The following ANGPT2 variants were observed in gnomAD, a reference collection of about 807,000 sequenced individuals.
ANGPT2 encodes angiopoietin 2.
Under a neutral mutation model 62.9 loss-of-function variants are expected in ANGPT2, and 28 were observed. The ratio of observed to expected loss-of-function variants is 0.44; its 90% CI spans 0.33 to 0.61. The LOEUF is 0.61. Among genes scored for constraint, ANGPT2 ranks in the 20% least tolerant of loss-of-function variants. ANGPT2 has a pLI of 0.03. For missense variants in ANGPT2, 727 were observed against 594.9 expected (o/e 1.22, Z -2.31); for synonymous variants, 284 against 207.8 (o/e 1.37, Z -3.15).
rs1817005809 is a variant in ANGPT2 at position 6,519,980 on chromosome 8, T to C, written c.811A>G (p.Thr271Ala). ...CTGATTTGTTCTTCTTTAGCAACAG[T>C]GGGGTCCTTAGCTGCTTTTAAAAAA... Reference protein sequence around the residue: ...MMSTSNSKDPTVAKEEQISFR... With the variant: ...MMSTSNSKDPAVAKEEQISFR... The change falls in exon 5 of 9, where the codon ACT becomes GCT. Residue 271 changes from threonine to alanine, a missense_variant. Physicochemically the swap from Thr to Ala is moderately conservative, Grantham distance 58. Transcript: ENST00000629816. The C allele has an allele frequency of 1.9e-6, 3 of 1,614,058 alleles. No individual in the cohort carries two copies. The highest frequency in any genetic ancestry group is 2.5e-6 in the Non-Finnish European group (3 of 1,179,942).
At chr8:6,551,257 G>A (rs1420449446) in intron 1 of ANGPT2, among the ~76,000 whole-genome samples, 1 of 152,122 alleles carries the variant, frequency 6.6e-6, no homozygotes, top group East Asian at 1.9e-4. Context: ...CTCATGCAGA[G>A]ACTGTTTATT....
chr8:6,542,734 G>C (rs761808133), intron 1 of ANGPT2, among the ~76,000 whole-genome samples: 5 of 152,054 alleles, frequency 3.3e-5, no homozygotes, highest in African/African-American at 7.3e-5. Flanking sequence ...TGTTACATGG[G>C]TTTGCCAAAA....
At chr8:6,526,257 T>TA (rs35519559) in intron 3 of ANGPT2, among the ~76,000 whole-genome samples, 20,270 of 76,858 alleles carry the variant, frequency 0.26, 3,665 homozygotes, top group East Asian at 0.6. Flanking sequence ...TTGCCTCTAC[T>TA]AAAAAAAAAA....
At chr8:6,534,221 A>G (rs1424617546) in intron 1 of ANGPT2, among the ~76,000 whole-genome samples, 1 of 152,214 alleles carries the variant, frequency 6.6e-6, no homozygotes, top group African/African-American at 2.4e-5. Context: ...AAAAATAACA[A>G]TACAACAATA....
chr8:6,513,375 C>A (rs1815569005), intron 7 of ANGPT2, among the ~76,000 whole-genome samples: 1 of 150,720 alleles, frequency 6.6e-6, no homozygotes, highest in Non-Finnish European at 1.5e-5. Flanking sequence ...CTCTGTCGCC[C>A]AGGTTGCAGT....
intron 1 of ANGPT2, among the ~76,000 whole-genome samples, chr8:6,562,244 C>A (rs549053045): frequency 2.6e-5 from 4 of 152,270 alleles, no homozygotes; most frequent in South Asian, 2.1e-4. Flanking sequence ...CGGGCTGCTG[C>A]GGCTCACAGC....
At chr8:6,559,561 A>G (rs982550536) in intron 1 of ANGPT2, among the ~76,000 whole-genome samples, 2 of 152,204 alleles carry the variant, frequency 1.3e-5, no homozygotes, top group African/African-American at 2.4e-5. Flanking sequence ...GTAGGCATCA[A>G]CTTTATTTTT....
chr8:6,514,133 C>A (rs1302216656), intron 6 of ANGPT2, among the ~76,000 whole-genome samples: 2 of 152,180 alleles, frequency 1.3e-5, no homozygotes, highest in African/African-American at 4.8e-5. Context: ...ATGTGAAGCA[C>A]CATTAAACAG....
At chr8:6,521,693 G>A (rs1817372725) in intron 3 of ANGPT2, among the ~76,000 whole-genome samples, 1 of 152,148 alleles carries the variant, frequency 6.6e-6, no homozygotes, top group Non-Finnish European at 1.5e-5. Context: ...GTGGGATATG[G>A]GTGTTTTTTG....
At chr8:6,532,243 C>G (rs1819659585) in intron 2 of ANGPT2, 89 bp downstream of exon 2, 2 of 1,484,538 alleles carry the variant, frequency 1.3e-6, no homozygotes, top group Non-Finnish European at 1.8e-6. Flanking sequence ...TCTTTAGTTT[C>G]TCATGCCTTC....
intron 1 of ANGPT2, among the ~76,000 whole-genome samples, chr8:6,554,271 G>C (rs1005460105): frequency 1.3e-5 from 2 of 149,646 alleles, no homozygotes; most frequent in Non-Finnish European, 3.0e-5. Context: ...ACAAAATTGA[G>C]AAATAGACCC....
chr8:6,533,121 G>A (rs1819839384), intron 1 of ANGPT2, among the ~76,000 whole-genome samples: 1 of 152,104 alleles, frequency 6.6e-6, no homozygotes, highest in Non-Finnish European at 1.5e-5. Context: ...TCACAATTTT[G>A]TCATTTCATG....
chr8:6,557,110 G>A (rs1824748172), intron 1 of ANGPT2, among the ~76,000 whole-genome samples: 1 of 152,150 alleles, frequency 6.6e-6, no homozygotes, highest in Non-Finnish European at 1.5e-5. Context: ...CCAAATTCAT[G>A]TTCATTCACA....
rs754442794 is a variant in ANGPT2, at chr8:6,562,634, A to C, written c.288+13T>G. 1 of 1,496,110 alleles carries C rather than the reference A, an allele frequency of 6.7e-7. No homozygotes were observed. The highest frequency in any genetic ancestry group is 9.0e-7 in the Non-Finnish European group (1 of 1,109,668). The allele number at this position is 1,496,110 out of a possible 1,614,324, so 92.7% of individuals were successfully genotyped here. A position where few individuals can be genotyped will look rare whatever the true frequency, so the allele number is the denominator to read the frequency against. ...ATAGCATGTTCACAAAGACAGATGGATTTTTTTCCTACCTTCATTAGCCAC... is the reference window on the plus strand; with the variant it reads ...ATAGCATGTTCACAAAGACAGATGGCTTTTTTTCCTACCTTCATTAGCCAC... On this transcript the variant is annotated intron_variant, in intron 1 of 8. Transcript: ENST00000629816.
chr8:6,562,574 T>TTTTTAAAAACA, intron 1 of ANGPT2, 73 bp downstream of exon 1: 1 of 583,796 alleles, frequency 1.7e-6, no homozygotes, highest in Non-Finnish European at 2.6e-6. Context: ...TTTTTTTTGG[T>TTTTTAAAAACA]TGTTAAAACC....
intron 2 of ANGPT2, among the ~76,000 whole-genome samples, chr8:6,529,453 CTT>C (rs200029751): frequency 2.0e-4 from 27 of 135,946 alleles, no homozygotes; most frequent in Admixed American, 3.7e-4. Flanking sequence ...AGCCATTTTT[CTT>C]TTTTTTTTTT....
intron 1 of ANGPT2, among the ~76,000 whole-genome samples, chr8:6,540,868 G>A (rs1319783542): frequency 2.6e-5 from 4 of 152,248 alleles, no homozygotes; most frequent in South Asian, 4.1e-4. Context: ...GGCGGCCACC[G>A]CCGCGCTGGC....
rs1341772889 is a variant in ANGPT2, at chr8:6,548,415, A to G, written c.288+14232T>C. ...ATGGCAGTGATAACTCAGAATTAGG[A>G]TTTTGATCCTCATCTCAACCATTAT... On this transcript the variant is annotated intron_variant, in intron 1 of 8. Transcript: ENST00000629816. Among the ~76,000 whole-genome samples, 9 of 152,250 alleles carry G rather than the reference A, an allele frequency of 5.9e-5. No individual in the cohort carries two copies. The East Asian group carries it at 1.7e-3, about 29-fold the overall frequency.
chr8:6,538,695 A>G lies in ANGPT2; in HGVS notation c.289-6208T>C, dbSNP rs539326949. Among the ~76,000 whole-genome samples, 8 of 152,308 alleles carry G rather than the reference A, an allele frequency of 5.3e-5. No individual in the cohort carries two copies. In the South Asian group the frequency reaches 1.4e-3, roughly 28 times the overall value. On this transcript the variant is annotated intron_variant, in intron 1 of 8. Coordinates refer to ENST00000629816, the MANE Select transcript of ANGPT2 (RefSeq NM_001118887.2). ...TACTCGTTTTGTGTTTCCTTTTGAT[A>G]TCAAAACCATTTTGTATTTGTGTCA...
Sources: allele counts gnomAD v4.1 joint callset (sites outside exome capture counted in the v4.1 genomes callset), GRCh38; gene constraint gnomAD v4.1.1; transcripts MANE v1.5; gene names NCBI Gene and HGNC (gene_info 2026-07-23, HGNC 2026-07-21).